The following ZNF37A variants were observed in gnomAD, a reference collection of about 807,000 sequenced individuals.
ZNF37A encodes zinc finger protein 37A.
A neutral mutation model predicts 12.3 loss-of-function variants in ZNF37A; 10 were observed. That is an observed-to-expected ratio of 0.82 (90% CI 0.50 to 1.38). ZNF37A has a LOEUF of 1.38. Ranked by LOEUF, ZNF37A falls within the 40% of genes most tolerant of loss-of-function variation. The pLI, the probability that ZNF37A is intolerant of heterozygous loss-of-function variation, is 0.00. For synonymous variants in ZNF37A, 207 were observed against 223.0 expected, an observed-to-expected ratio of 0.93 and a Z score of 0.64; for missense variants, 580 against 651.2, an observed-to-expected ratio of 0.89 and a Z score of 1.19.
At chr10:38,105,007 C>CTTTT (rs386371223) in intron 5 of ZNF37A, among the ~76,000 whole-genome samples, 3 of 139,612 alleles carry the variant, frequency 2.1e-5, no homozygotes, top group Admixed American at 7.2e-5. Context: ...AATATTTTTT[C>CTTTT]TTTTTTTTTT....
chr10:38,142,261 A>C (rs1478778305), intron 7 of ZNF37A: 1 of 152,230 alleles, frequency 6.6e-6, no homozygotes, highest in Non-Finnish European at 1.5e-5. Context: ...TAGAGTAGAC[A>C]GCATATAAGG....
At chr10:38,115,517 A>G (rs1197521543) in intron 7 of ZNF37A, 1 of 443,374 alleles carries the variant, frequency 2.3e-6, no homozygotes, top group African/African-American at 2.0e-5. Context: ...ATTGTGATAT[A>G]AACTATATAG....
At chr10:38,117,355 C>T (rs374795984) in intron 7 of ZNF37A, 35 bp from the exon 8 acceptor site, 45 of 1,531,742 alleles carry the variant, frequency 2.9e-5, no homozygotes, top group Middle Eastern at 3.5e-4. Context: ...TACATATCCT[C>T]GTCAACTAAC....
Position 38,112,734 on chromosome 10 carries a change from TCTTTTCTTTTCTTTTCTTTTCTTTTC to T in ZNF37A, c.16-2020_16-1995del, listed in dbSNP as rs2068803904. Reference sequence around the variant, plus strand: ...ACAATTCTGTATTTTACATCCATTTTCTTTTCTTTTCTTTTCTTTTCTTTTCTTTTCTTTTCTTTTCTTTTCTTTTC... The same window carrying T: ...ACAATTCTGTATTTTACATCCATTTTTTTTCTTTTCTTTTCTTTTCTTTTC... On this transcript the variant is annotated intron_variant, in intron 5 of 7. Coordinates refer to ENST00000685332, the MANE Select transcript of ZNF37A (RefSeq NM_001324250.3). Among the ~76,000 whole-genome samples, 34 of 49,900 alleles carry T rather than the reference TCTTTTCTTTTCTTTTCTTTTCTTTTC, an allele frequency of 6.8e-4. 8 individuals are homozygous for T. The highest frequency in any genetic ancestry group is 2.1e-3 in the East Asian group (4 of 1,876). 32.7% of individuals were successfully genotyped at this position (49,900 alleles called of 152,430 possible). A position where few individuals can be genotyped will look rare whatever the true frequency, so the allele number is the denominator to read the frequency against.
At position 38,118,440 on chromosome 10, in the gene ZNF37A, T is replaced by A. The variant is rs1347587939; in HGVS notation, c.1289T>A (p.Leu430Gln). The change falls in exon 8 of 8, where the codon CTA (leucine) becomes CAA (glutamine). Residue 430 changes from leucine (L) to glutamine (Q), a missense_variant. Transcript: ENST00000685332. ...FSEKSTLTKH[L>Q]RTHTGEKPYE... ...GAGAAGTCAACCCTTACTAAACATC[T>A]AAGAACTCACACAGGTGAGAAACCT... 1.2e-6 allele frequency: 2 copies of A among 1,613,612 alleles called. No homozygotes were observed. Among genetic ancestry groups the A allele is most frequent in the Non-Finnish European group, 1.7e-6 (2 of 1,179,944 alleles).
exon 8 of ZNF37A, chr10:38,146,738 C>T (rs1389911566): frequency 2.5e-6 from 1 of 398,424 alleles, no homozygotes; most frequent in Non-Finnish European, 4.4e-6. Flanking sequence ...ACAGGCTCCA[C>T]AAGGCTGACT....
rs183432867 is a variant in ZNF37A at position 38,150,146 on chromosome 10, C to T, written c.*3326C>T. The T allele has an allele frequency of 2.6e-5, 4 of 152,354 alleles. No individual in the cohort carries two copies. In the East Asian group the frequency reaches 7.7e-4, roughly 29 times the overall value. The allele number at this position is 152,354 out of a possible 1,614,324, so 9.4% of individuals were successfully genotyped here. On this transcript the variant is annotated 3_prime_UTR_variant, in exon 8 of 8. Coordinates refer to the ZNF37A transcript ENST00000638053. ...CCTTCAGCCCCCACCACTCAAGGTT[C>T]CTGTCTGCATGAGTGTAATCACCAT... is the stretch of plus-strand genomic sequence containing the variant.
At chr10:38,125,174 T>C (rs528062193), downstream of ZNF37A, 1 of 152,198 alleles carries the variant, frequency 6.6e-6, no homozygotes, top group Non-Finnish European at 1.5e-5. Context: ...TTAATTATAA[T>C]ACAAATGATT....
rs532070615 is a variant in ZNF37A at position 38,121,959 on chromosome 10, T to A, written c.*3122T>A. Reference sequence around the variant, plus strand: ...CCTGACAGTAAGAAAATACTCTGGCTGGTCTCAGTGGCTCATGTCTGTAAT... The same window carrying A: ...CCTGACAGTAAGAAAATACTCTGGCAGGTCTCAGTGGCTCATGTCTGTAAT... On this transcript the variant is annotated 3_prime_UTR_variant, in exon 8 of 8. Transcript: ENST00000685332. The A allele has an allele frequency of 6.6e-6, 1 of 152,302 alleles. No homozygotes were observed. The highest frequency in any genetic ancestry group is 2.4e-5 in the African/African-American group (1 of 41,550). 9.4% of individuals were successfully genotyped at this position (152,302 alleles called of 1,614,324 possible). A position where few individuals can be genotyped will look rare whatever the true frequency, so the allele number is the denominator to read the frequency against.
At position 38,121,541 on chromosome 10, in the gene ZNF37A, CA is replaced by C. The variant is rs1205979405; in HGVS notation, c.*2705del. The stretch of plus-strand genomic sequence containing the variant: ...GGCTGAGGGTGAGGTGTGGAAGGGA[CA>C]GGGGGAGGAGATGGGCAGCATTGTT... On this transcript the variant is annotated 3_prime_UTR_variant, in exon 8 of 8. Transcript: ENST00000685332. The C allele has an allele frequency of 7.9e-5, 12 of 152,194 alleles. No individual in the cohort carries two copies. The highest frequency in any genetic ancestry group is 3.9e-4 in the East Asian group (2 of 5,194). 9.4% of individuals were successfully genotyped at this position (152,194 alleles called of 1,614,324 possible). A position where few individuals can be genotyped will look rare whatever the true frequency, so the allele number is the denominator to read the frequency against.
chr10:38,136,778 C>T (rs1203821895), intron 7 of ZNF37A, among the ~76,000 whole-genome samples: 1 of 152,150 alleles, frequency 6.6e-6, no homozygotes, highest in Non-Finnish European at 1.5e-5. Flanking sequence ...TCTCATGCTA[C>T]ATATGTTTGT....
intron 7 of ZNF37A, among the ~76,000 whole-genome samples, chr10:38,130,704 A>G (rs1228132903): frequency 1.3e-5 from 2 of 151,862 alleles, no homozygotes; most frequent in Non-Finnish European, 2.9e-5. Flanking sequence ...TCCTGTCCTC[A>G]AGTGATCCAC....
intron 7 of ZNF37A, chr10:38,115,619 C>A: frequency 6.0e-6 from 1 of 165,506 alleles, no homozygotes; most frequent in Non-Finnish European, 1.3e-5. Context: ...TTCAACACCC[C>A]CAGAAAGCTC....
chr10:38,114,269 T>C (rs1263940817), intron 5 of ZNF37A, among the ~76,000 whole-genome samples: 1 of 152,348 alleles, frequency 6.6e-6, no homozygotes, highest in Non-Finnish European at 1.5e-5. Context: ...TTTAACCTTT[T>C]GTTAAGTTTT....
intron 7 of ZNF37A, among the ~76,000 whole-genome samples, chr10:38,136,437 A>G (rs2070109086): frequency 6.6e-6 from 1 of 152,204 alleles, no homozygotes; most frequent in African/African-American, 2.4e-5. Context: ...TACAGGTGTG[A>G]GCCACCATAC....
chr10:38,148,232 G>T (rs2070278860), exon 8 of ZNF37A: 1 of 152,224 alleles, frequency 6.6e-6, no homozygotes, highest in African/African-American at 2.4e-5. Context: ...CTGAGATCTA[G>T]AAAAATGAAC....
chr10:38,095,504 C>G (rs2067078950), intron 2 of ZNF37A, 34 bp from the exon 3 acceptor site: 1 of 152,278 alleles, frequency 6.6e-6, no homozygotes, highest in African/African-American at 2.4e-5. Context: ...GGACAGCACC[C>G]TCCATGCCTG....
At position 38,121,844 on chromosome 10, in the gene ZNF37A, C is replaced by T. The variant is rs111421946; in HGVS notation, c.*3007C>T. Reference sequence around the variant, plus strand: ...CACACCAACTGCCAAGTTATTAGTTCCTAAATACTATCCACAAAAAAGGGG... The same window carrying T: ...CACACCAACTGCCAAGTTATTAGTTTCTAAATACTATCCACAAAAAAGGGG... On this transcript the variant is annotated 3_prime_UTR_variant, in exon 8 of 8. Transcript: ENST00000685332. 1 of 152,070 alleles carries T rather than the reference C, an allele frequency of 6.6e-6. No homozygotes were observed. Among genetic ancestry groups the T allele is most frequent in the Non-Finnish European group, 1.5e-5 (1 of 68,024 alleles). 9.4% of individuals were successfully genotyped at this position (152,070 alleles called of 1,614,324 possible).
chr10:38,111,933 C>T (rs1164496364), intron 5 of ZNF37A, among the ~76,000 whole-genome samples: 1 of 139,010 alleles, frequency 7.2e-6, no homozygotes, highest in Non-Finnish European at 1.5e-5. Context: ...TTTTTTGAGA[C>T]GGAGTCTCAC....
Sources: gnomAD v4.1 joint callset for allele counts (sites outside exome capture counted in the v4.1 genomes callset) on GRCh38, gnomAD v4.1.1 for gene constraint, MANE v1.5 for transcripts, NCBI Gene and HGNC (gene_info 2026-07-23, HGNC 2026-07-21) for gene names.